The following PCED1B variants were observed in gnomAD, a reference collection of about 807,000 sequenced individuals.
PCED1B encodes PC-esterase domain-containing protein 1B.
For synonymous variants in PCED1B, 251 were observed against 246.1 expected, an observed-to-expected ratio of 1.02 and a Z score of -0.19; for missense variants, 573 against 573.9, an observed-to-expected ratio of 1.00 and a Z score of 0.02.
At chr12:47,092,312 A>C (rs1476326853) in intron 1 of PCED1B, among the ~76,000 whole-genome samples, 1 of 151,750 alleles carries the variant, frequency 6.6e-6, no homozygotes, top group Non-Finnish European at 1.5e-5. Context: ...AATATGTTTT[A>C]TTTTCTATTT....
At chr12:47,213,774 C>A (rs1294750063) in intron 2 of PCED1B, among the ~76,000 whole-genome samples, 2 of 152,152 alleles carry the variant, frequency 1.3e-5, no homozygotes, top group East Asian at 3.8e-4. Flanking sequence ...AGCTTTGAAA[C>A]ATGAGATAGG....
At chr12:47,113,146 T>A (rs1939272132) in intron 2 of PCED1B, among the ~76,000 whole-genome samples, 1 of 152,184 alleles carries the variant, frequency 6.6e-6, no homozygotes, top group African/African-American at 2.4e-5. Flanking sequence ...TATACTAAGA[T>A]GCTCAGACAG....
chr12:47,194,698 G>A (rs564383238), intron 2 of PCED1B, among the ~76,000 whole-genome samples: 4 of 152,322 alleles, frequency 2.6e-5, no homozygotes, highest in African/African-American at 9.6e-5. Flanking sequence ...CAGATGACCT[G>A]CCAACAAGAA....
chr12:47,089,194 G>A (rs1413705461), intron 1 of PCED1B, among the ~76,000 whole-genome samples: 1 of 151,914 alleles, frequency 6.6e-6, no homozygotes, highest in African/African-American at 2.4e-5. Context: ...TGTAATCCCA[G>A]CACTTTGGGA....
intron 2 of PCED1B, among the ~76,000 whole-genome samples, chr12:47,214,113 G>T (rs1943176116): frequency 6.6e-6 from 1 of 152,172 alleles, no homozygotes; most frequent in South Asian, 2.1e-4. Context: ...AAAGCTATCA[G>T]TTGGGTTCTG....
At chr12:47,105,019 A>G (rs1320258256) in intron 2 of PCED1B, among the ~76,000 whole-genome samples, 2 of 152,192 alleles carry the variant, frequency 1.3e-5, no homozygotes, top group African/African-American at 4.8e-5. Context: ...GCTCATGCCG[A>G]CTAAAAATGG....
chr12:47,167,469 G>A (rs965569909), intron 2 of PCED1B, among the ~76,000 whole-genome samples: 2 of 152,074 alleles, frequency 1.3e-5, no homozygotes, highest in Admixed American at 6.5e-5. Context: ...ACCTGTGATT[G>A]GGCTAAAGAA....
At chr12:47,218,670 T>C (rs200475710) in intron 3 of PCED1B, among the ~76,000 whole-genome samples, 4 of 56,934 alleles carry the variant, frequency 7.0e-5, no homozygotes, top group Non-Finnish European at 1.3e-4. Flanking sequence ...ATTTTTTTTC[T>C]TTTTTTTTTT....
At chr12:47,199,480 G>T (rs760402526) in intron 2 of PCED1B, among the ~76,000 whole-genome samples, 15 of 152,150 alleles carry the variant, frequency 9.9e-5, no homozygotes, top group Non-Finnish European at 2.2e-4. Flanking sequence ...GACACTATCT[G>T]GCATCGAGTG....
In PCED1B at chr12:47,135,468, C is replaced by T. The variant is rs1940316200; in HGVS notation, c.-526+31273C>T. The T allele has an allele frequency of 2.8e-5, 11 of 391,028 alleles. 3 individuals carry two copies. The highest frequency in any genetic ancestry group is 2.2e-4 in the South Asian group (10 of 45,306). The allele number at this position is 391,028 out of a possible 1,614,324, so 24.2% of individuals were successfully genotyped here. ...CAGGTTGTGGGCAGAGCTCCTGGCC[C>T]GGATGCTGTCTCCTGTTCTATCGAG... On this transcript the variant is annotated intron_variant, in intron 2 of 3. Coordinates refer to ENST00000546455, the MANE Select transcript of PCED1B (RefSeq NM_138371.3).
At chr12:47,225,985 G>A (rs1405407175) in intron 3 of PCED1B, among the ~76,000 whole-genome samples, 3 of 152,172 alleles carry the variant, frequency 2.0e-5, no homozygotes, top group East Asian at 1.9e-4. Flanking sequence ...AATAGTCAAT[G>A]AGTTGTAATT....
intron 3 of PCED1B, among the ~76,000 whole-genome samples, chr12:47,222,206 G>T (rs113111572): frequency 0.079 from 11,847 of 150,598 alleles, 536 homozygotes; most frequent in Non-Finnish European, 0.098. Context: ...GATCACCTGA[G>T]GTCAGGAGTT....
intron 2 of PCED1B, among the ~76,000 whole-genome samples, chr12:47,136,569 G>A (rs771756138): frequency 2.6e-5 from 4 of 152,114 alleles, no homozygotes; most frequent in Non-Finnish European, 5.9e-5. Context: ...TTGCACACCA[G>A]AACTTTAAAA....
At chr12:47,152,660 G>T (rs1941037689) in intron 2 of PCED1B, among the ~76,000 whole-genome samples, 1 of 152,246 alleles carries the variant, frequency 6.6e-6, no homozygotes, top group Admixed American at 6.5e-5. Context: ...GCTGGGCACG[G>T]TGGCTCAGGC....
Position 47,235,381 on chromosome 12 carries a change from G to T in PCED1B, c.318G>T (p.Leu106Phe). 6.2e-7 allele frequency: 1 copy of T among 1,614,154 alleles called. No homozygotes were observed. The highest frequency in any genetic ancestry group is 8.5e-7 in the Non-Finnish European group (1 of 1,180,046). ...ACTCCGATTACCTCCAGACCATCTT[G>T]AAAGAGCTGCAGTCGGGCGAGCACG... ...RVYSDYLQTI[L>F]KELQSGEHAP... Residue 106 changes from leucine to phenylalanine, a missense_variant, in exon 4 of 4, where the codon TTG becomes TTT. Physicochemically the swap from Leu to Phe is conservative, Grantham distance 22 (BLOSUM62 0). Transcript: ENST00000546455.
chr12:47,185,846 AAAAC>A (rs981145492), intron 2 of PCED1B, among the ~76,000 whole-genome samples: 4 of 152,188 alleles, frequency 2.6e-5, no homozygotes, highest in African/African-American at 9.7e-5. Context: ...TAACAAGAGA[AAAAC>A]AAACAAGTTT....
chr12:47,112,675 A>G (rs1012985354), intron 2 of PCED1B, among the ~76,000 whole-genome samples: 1 of 152,172 alleles, frequency 6.6e-6, no homozygotes, highest in Non-Finnish European at 1.5e-5. Flanking sequence ...ATGCCTTCCA[A>G]TGTGTGGTCT....
Position 47,160,808 on chromosome 12 carries a change from C to T in PCED1B, c.-525-55414C>T, listed in dbSNP as rs140246914. On this transcript the variant is annotated intron_variant, in intron 2 of 3. Coordinates refer to ENST00000546455, the MANE Select transcript of PCED1B (RefSeq NM_138371.3). ...TTGTGGCAATGTTGGGAAGTGAAAC[C>T]TCTAAGAGGTGGAGCCTAATGGGAG... 3.1e-3 allele frequency among the ~76,000 whole-genome samples: 479 copies of T among 152,196 alleles called. 3 individuals carry two copies. The highest frequency in any genetic ancestry group is 8.9e-3 in the African/African-American group (369 of 41,530).
intron 2 of PCED1B, among the ~76,000 whole-genome samples, chr12:47,150,100 ACTATTTTTATTTGTCAAT>A (rs1327699362): frequency 1.3e-5 from 2 of 152,200 alleles, no homozygotes; most frequent in Non-Finnish European, 2.9e-5. Flanking sequence ...TTAAATGTGT[ACTATTTTTATTTGTCAAT>A]CATATTTTAA....
Sources: allele counts gnomAD v4.1 joint callset (sites outside exome capture counted in the v4.1 genomes callset), GRCh38; gene constraint gnomAD v4.1.1; transcripts MANE v1.5; gene names NCBI Gene and HGNC (gene_info 2026-07-23, HGNC 2026-07-21).